The following MBOAT1 variants were observed in gnomAD, a reference collection of about 807,000 sequenced individuals.
MBOAT1 encodes the protein membrane-bound glycerophospholipid O-acyltransferase 1.
Under a neutral mutation model 64.4 loss-of-function variants are expected in MBOAT1, and 67 were observed. The observed-to-expected ratio is 1.04, with a 90% CI of 0.85 to 1.27. The LOEUF (loss-of-function observed/expected upper bound fraction) is 1.27. Ranked by LOEUF, MBOAT1 falls within the 50% of genes most tolerant of loss-of-function variation. MBOAT1 has a pLI of 0.00. For missense variants in MBOAT1, 563 were observed against 604.6 expected (o/e 0.93, Z 0.72); for synonymous variants, 229 against 218.9 (o/e 1.05, Z -0.41).
intron 1 of MBOAT1, among the ~76,000 whole-genome samples, chr6:20,168,517 G>T (rs1212337119): frequency 2.1e-5 from 3 of 140,368 alleles, no homozygotes; most frequent in Non-Finnish European, 3.1e-5. Context: ...GGAGAGGAGA[G>T]GAGAGGAGAG....
Position 20,131,144 on chromosome 6 carries a change from C to A in MBOAT1, c.475G>T (p.Gly159Ter). The change falls in exon 5 of 13, where the codon GGA becomes TGA. Residue 159 changes from glycine to a stop codon, truncating the protein, a stop_gained and splice_region_variant. Coordinates refer to ENST00000324607, the MANE Select transcript of MBOAT1 (RefSeq NM_001080480.3). LOFTEE classifies it high-confidence loss of function. Reference protein sequence around the residue: ...ITTLAFQVHDGLGRRAEDLSA... With the variant: ...ITTLAFQVHD ...CCAAAAGGAGGGCTGCTGTTCTTAC[C>A]ATCATGAACCTGGAATGCCAAGGTT... 3 of 1,613,572 alleles carry A rather than the reference C, an allele frequency of 1.9e-6. No homozygotes were observed. Among genetic ancestry groups the A allele is most frequent in the Non-Finnish European group, 2.5e-6 (3 of 1,179,540 alleles).
chr6:20,109,897 C>G, intron 11 of MBOAT1, 148 bp from the exon 12 acceptor site: 1 of 376,478 alleles, frequency 2.7e-6, no homozygotes, highest in Non-Finnish European at 4.5e-6. Flanking sequence ...CAAATACCAT[C>G]AGGACTTTTT....
chr6:20,193,670 A>C (rs1330141421), intron 1 of MBOAT1, among the ~76,000 whole-genome samples: 1 of 150,056 alleles, frequency 6.7e-6, no homozygotes, highest in African/African-American at 2.5e-5. Context: ...GCAGTGGCAC[A>C]ATCTCTGCTC....
chr6:20,128,783 G>A, intron 5 of MBOAT1, 30 bp from the exon 6 acceptor site: 1 of 1,509,514 alleles, frequency 6.6e-7, no homozygotes, highest in Non-Finnish European at 9.1e-7. Context: ...TTAGAAATAA[G>A]ATGTTTGAAG....
At chr6:20,185,766 C>G (rs1346638100) in intron 1 of MBOAT1, among the ~76,000 whole-genome samples, 1 of 152,178 alleles carries the variant, frequency 6.6e-6, no homozygotes, top group Non-Finnish European at 1.5e-5. Flanking sequence ...CATCCCACCT[C>G]TTAACCAACC....
At chr6:20,191,759 A>AT (rs544788098) in intron 1 of MBOAT1, among the ~76,000 whole-genome samples, 1 of 152,220 alleles carries the variant, frequency 6.6e-6, no homozygotes, top group Non-Finnish European at 1.5e-5. Flanking sequence ...GAAGCAGTCA[A>AT]TTTTAAAAGG....
chr6:20,140,784 T>C (rs1376190979), intron 4 of MBOAT1, among the ~76,000 whole-genome samples: 2 of 152,182 alleles, frequency 1.3e-5, no homozygotes, highest in Non-Finnish European at 2.9e-5. Flanking sequence ...TCCTCTCACA[T>C]AAAAATCCTA....
In MBOAT1 at chr6:20,203,958, T is replaced by C. The variant is rs74292454; in HGVS notation, c.99+8178A>G. On this transcript the variant is annotated intron_variant, in intron 1 of 12. Transcript: ENST00000324607. ...TGCTTTCTTCAGCCTTTTCTACCTGTAAAGTCCACCTCTTCAGCTCAGCTC... is the reference window on the plus strand; with the variant it reads ...TGCTTTCTTCAGCCTTTTCTACCTGCAAAGTCCACCTCTTCAGCTCAGCTC... Among the ~76,000 whole-genome samples, 1,074 of 152,358 alleles carry C rather than the reference T, an allele frequency of 7.0e-3. 41 individuals carry two copies. Among genetic ancestry groups the C allele is most frequent in the Admixed American group, 0.051 (787 of 15,296 alleles).
rs370291412 is a variant in MBOAT1 at position 20,152,745 on chromosome 6, C to T, written c.124G>A (p.Val42Ile). ...DQVNFVVCQL[V>I]ALFAAFWFRI... ...AACCAGAAAGCAGCAAACAGAGCAA[C>T]AAGCTGGCATACCACAAAATTCACC... Residue 42 changes from valine (V) to isoleucine (I), a missense_variant, in exon 2 of 13, where the codon GTT (valine) becomes ATT (isoleucine). Coordinates refer to ENST00000324607, the MANE Select transcript of MBOAT1 (RefSeq NM_001080480.3). 1.2e-6 allele frequency: 2 copies of T among 1,612,024 alleles called. No homozygotes were observed. The highest frequency in any genetic ancestry group is 2.7e-5 in the African/African-American group (2 of 74,826).
At chr6:20,204,716 T>C (rs1029695656) in intron 1 of MBOAT1, among the ~76,000 whole-genome samples, 1 of 151,948 alleles carries the variant, frequency 6.6e-6, no homozygotes, top group Non-Finnish European at 1.5e-5. Flanking sequence ...ACACACTGTG[T>C]TTGAGGGATA....
intron 1 of MBOAT1, among the ~76,000 whole-genome samples, chr6:20,202,416 C>A (rs975891782): frequency 1.3e-5 from 2 of 152,084 alleles, no homozygotes; most frequent in African/African-American, 2.4e-5. Flanking sequence ...TGCTGGAAAT[C>A]CCCAGCAATA....
intron 1 of MBOAT1, among the ~76,000 whole-genome samples, chr6:20,205,412 T>G (rs527440070): frequency 1.1e-4 from 16 of 152,280 alleles, no homozygotes; most frequent in Middle Eastern, 3.4e-3. Flanking sequence ...GAATCACCTC[T>G]TGTTCCACAA....
intron 3 of MBOAT1, among the ~76,000 whole-genome samples, chr6:20,150,710 C>T (rs867657635): frequency 3.3e-5 from 5 of 150,154 alleles, no homozygotes; most frequent in South Asian, 2.1e-4. Context: ...ACTATAGGTG[C>T]GCACCACTAC....
At chr6:20,201,583 ATT>A (rs56306528) in intron 1 of MBOAT1, among the ~76,000 whole-genome samples, 13 of 143,190 alleles carry the variant, frequency 9.1e-5, no homozygotes, top group African/African-American at 2.1e-4. Flanking sequence ...CAGATAAGTG[ATT>A]TTTTTTTTTT....
chr6:20,137,568 T>C (rs940799033), intron 4 of MBOAT1, among the ~76,000 whole-genome samples: 4 of 152,198 alleles, frequency 2.6e-5, no homozygotes, highest in Non-Finnish European at 5.9e-5. Context: ...TGAATTGTAT[T>C]AGCAGCACCA....
Position 20,144,210 on chromosome 6 carries a change from A to T in MBOAT1, c.419+10T>A. On this transcript the variant is annotated intron_variant, in intron 4 of 12. Coordinates refer to ENST00000324607, the MANE Select transcript of MBOAT1 (RefSeq NM_001080480.3). ...CAGTAAAACCCCTCTCTCTAATGTA[A>T]GATACTTACCCAGAAAAATCCGTAG... 6.3e-7 allele frequency: 1 copy of T among 1,582,978 alleles called. No homozygotes were observed. Among genetic ancestry groups the T allele is most frequent in the East Asian group, 2.2e-5 (1 of 44,724 alleles).
rs575929455 is a variant in MBOAT1 at position 20,204,977 on chromosome 6, G to A, written c.99+7159C>T. The stretch of plus-strand genomic sequence containing the variant: ...TTTGGGAGGCTGAGGTGAGAGGATC[G>A]TTTCAGGCCAGGAGTTTAAGACCAG... On this transcript the variant is annotated intron_variant, in intron 1 of 12. Coordinates refer to ENST00000324607, the MANE Select transcript of MBOAT1 (RefSeq NM_001080480.3). 3.7e-4 allele frequency among the ~76,000 whole-genome samples: 57 copies of A among 152,230 alleles called. No individual in the cohort carries two copies. The South Asian group carries it at 9.5e-3, about 25-fold the overall frequency.
chr6:20,109,528 G>A, intron 12 of MBOAT1, 70 bp downstream of exon 12: 1 of 1,539,602 alleles, frequency 6.5e-7, no homozygotes, highest in Non-Finnish European at 8.8e-7. Flanking sequence ...TCAATTTACT[G>A]CCTCCTAAGT....
At chr6:20,111,576 TAA>T (rs1447118351) in intron 11 of MBOAT1, among the ~76,000 whole-genome samples, 5 of 151,792 alleles carry the variant, frequency 3.3e-5, no homozygotes, top group Non-Finnish European at 7.4e-5. Context: ...AACCATAGAG[TAA>T]AAGACACCTG....
Sources: gnomAD v4.1 joint callset for allele counts (sites outside exome capture counted in the v4.1 genomes callset) on GRCh38, gnomAD v4.1.1 for gene constraint, MANE v1.5 for transcripts, NCBI Gene and HGNC (gene_info 2026-07-23, HGNC 2026-07-21) for gene names.